The following SGCZ variants were observed in gnomAD, a reference collection of about 807,000 sequenced individuals.
SGCZ encodes zeta-sarcoglycan.
In SGCZ, 40 loss-of-function variants were observed where a neutral mutation model predicts 41.3. The ratio of observed to expected loss-of-function variants is 0.97; its 90% CI spans 0.75 to 1.26. The LOEUF (loss-of-function observed/expected upper bound fraction) is 1.26, where lower values mean the gene tolerates loss of function less well. Among genes scored for constraint, SGCZ ranks in the 50% most tolerant of loss-of-function variants. SGCZ has a pLI of 0.00. For missense variants in SGCZ, 552 were observed against 369.8 expected (o/e 1.49, Z -4.04); for synonymous variants, 206 against 137.5 (o/e 1.50, Z -3.49).
At chr8:14,769,495 A>T (rs1800158882) in intron 1 of SGCZ, among the ~76,000 whole-genome samples, 1 of 152,190 alleles carries the variant, frequency 6.6e-6, no homozygotes, top group Non-Finnish European at 1.5e-5. Flanking sequence ...TGGTCTTTTA[A>T]AACACTTCAA....
chr8:14,198,777 A>C (rs1805361011), intron 4 of SGCZ, among the ~76,000 whole-genome samples: 1 of 152,190 alleles, frequency 6.6e-6, no homozygotes, highest in Non-Finnish European at 1.5e-5. Context: ...TTAGTTCCCC[A>C]AATTAATACT....
intron 2 of SGCZ, among the ~76,000 whole-genome samples, chr8:14,325,677 G>C (rs1029898991): frequency 2.5e-4 from 33 of 130,794 alleles, no homozygotes; most frequent in African/African-American, 9.2e-4. Flanking sequence ...TTTAATTATA[G>C]GACAATACAT....
intron 1 of SGCZ, among the ~76,000 whole-genome samples, chr8:15,050,044 G>A (rs892886564): frequency 1.3e-5 from 2 of 152,084 alleles, no homozygotes; most frequent in Non-Finnish European, 2.9e-5. Context: ...GTCAATAGTT[G>A]GGACTTTGGT....
chr8:14,100,580 A>G (rs969885618), intron 7 of SGCZ, among the ~76,000 whole-genome samples: 3 of 139,742 alleles, frequency 2.1e-5, no homozygotes, highest in Non-Finnish European at 4.6e-5. Context: ...ATATATTTTC[A>G]AATAATATAT....
At chr8:15,153,919 T>G (rs1178978517) in intron 1 of SGCZ, among the ~76,000 whole-genome samples, 1 of 152,160 alleles carries the variant, frequency 6.6e-6, no homozygotes, top group East Asian at 1.9e-4. Flanking sequence ...TCCAGGGATG[T>G]AGGGGTGGGT....
chr8:14,441,364 C>G (rs926954639), intron 2 of SGCZ, among the ~76,000 whole-genome samples: 1 of 152,104 alleles, frequency 6.6e-6, no homozygotes, highest in African/African-American at 2.4e-5. Flanking sequence ...ATCACGAGGT[C>G]AAGAGATTGA....
chr8:14,971,266 T>G (rs1333480135), intron 1 of SGCZ, among the ~76,000 whole-genome samples: 5 of 152,074 alleles, frequency 3.3e-5, no homozygotes, highest in African/African-American at 1.2e-4. Flanking sequence ...TTTCATTTTG[T>G]TTTTTTGCCT....
At chr8:14,801,272 T>C (rs1245313850) in intron 1 of SGCZ, among the ~76,000 whole-genome samples, 1 of 152,170 alleles carries the variant, frequency 6.6e-6, no homozygotes, top group East Asian at 1.9e-4. Context: ...CATCAGCAAA[T>C]ATATGCATAT....
chr8:15,126,444 G>C (rs151263352), intron 1 of SGCZ, among the ~76,000 whole-genome samples: 82 of 152,210 alleles, frequency 5.4e-4, no homozygotes, highest in African/African-American at 1.8e-3. Context: ...TATCAGCAGG[G>C]CATTGTGAAA....
chr8:14,598,249 TG>T (rs1805476937), intron 1 of SGCZ, among the ~76,000 whole-genome samples: 1 of 148,752 alleles, frequency 6.7e-6, no homozygotes, highest in South Asian at 2.1e-4. Flanking sequence ...ACAATGTACA[TG>T]GCCTCTTTGA....
At chr8:15,193,236 TAGA>T (rs1168616676) in intron 1 of SGCZ, among the ~76,000 whole-genome samples, 1 of 152,080 alleles carries the variant, frequency 6.6e-6, no homozygotes, top group Non-Finnish European at 1.5e-5. Flanking sequence ...AGACATTTGG[TAGA>T]AGACTATAAT....
At chr8:14,402,243 G>T (rs1246819430) in intron 2 of SGCZ, among the ~76,000 whole-genome samples, 2 of 151,498 alleles carry the variant, frequency 1.3e-5, no homozygotes, top group Non-Finnish European at 2.9e-5. Flanking sequence ...TAGGTTGCCT[G>T]TTCACTCTGA....
intron 6 of SGCZ, among the ~76,000 whole-genome samples, chr8:14,104,907 T>A (rs1358822792): frequency 1.3e-5 from 2 of 152,128 alleles, no homozygotes; most frequent in Non-Finnish European, 2.9e-5. Context: ...GAATTAACAT[T>A]TATTTTCTTA....
intron 1 of SGCZ, among the ~76,000 whole-genome samples, chr8:14,911,692 C>A (rs976126077): frequency 2.6e-5 from 4 of 151,824 alleles, no homozygotes; most frequent in Non-Finnish European, 5.9e-5. Flanking sequence ...TTGAAATGTA[C>A]ACACCTAGGA....
intron 1 of SGCZ, among the ~76,000 whole-genome samples, chr8:14,652,464 A>G (rs1387144034): frequency 6.6e-6 from 1 of 151,934 alleles, no homozygotes; most frequent in Non-Finnish European, 1.5e-5. Flanking sequence ...TTTCCCAGTT[A>G]AGTAGGTATA....
chr8:14,715,539 C>CAA (rs1809659810), intron 1 of SGCZ, among the ~76,000 whole-genome samples: 1 of 133,988 alleles, frequency 7.5e-6, no homozygotes, highest in Non-Finnish European at 1.6e-5. Context: ...CTCCACCACA[C>CAA]ACACACACAC....
At chr8:14,764,936 C>G (rs1799995381) in intron 1 of SGCZ, among the ~76,000 whole-genome samples, 1 of 151,994 alleles carries the variant, frequency 6.6e-6, no homozygotes, top group African/African-American at 2.4e-5. Context: ...CAAATGAGTC[C>G]AAATGTTAAC....
At chr8:15,226,285 T>C (rs1329514000) in intron 1 of SGCZ, among the ~76,000 whole-genome samples, 2 of 152,172 alleles carry the variant, frequency 1.3e-5, no homozygotes, top group Non-Finnish European at 2.9e-5. Flanking sequence ...GCAGATAATA[T>C]TTTTGACTAT....
chr8:14,635,011 GC>G (rs1394598898), intron 1 of SGCZ, among the ~76,000 whole-genome samples: 1 of 151,352 alleles, frequency 6.6e-6, no homozygotes, highest in Non-Finnish European at 1.5e-5. Context: ...TTATACATAG[GC>G]TTTTTTTAGT....
Sources: gnomAD v4.1 joint callset for allele counts (sites outside exome capture counted in the v4.1 genomes callset) on GRCh38, gnomAD v4.1.1 for gene constraint, MANE v1.5 for transcripts, NCBI Gene and HGNC (gene_info 2026-07-23, HGNC 2026-07-21) for gene names.